The following KIF5C variants were observed in gnomAD, a reference collection of about 807,000 sequenced individuals.
KIF5C encodes kinesin heavy chain isoform 5C.
Under a neutral mutation model 125.2 loss-of-function variants are expected in KIF5C, and 18 were observed. The observed-to-expected ratio is 0.14, with a 90% CI of 0.10 to 0.21. The LOEUF (loss-of-function observed/expected upper bound fraction) is 0.21, where lower values mean the gene tolerates loss of function less well. Among genes scored for constraint, KIF5C ranks in the 10% least tolerant of loss-of-function variants. The pLI, the probability that KIF5C is intolerant of heterozygous loss-of-function variation, is 1.00. For missense variants in KIF5C, 780 were observed against 1,183.8 expected (o/e 0.66, Z 5.01); for synonymous variants, 405 against 434.0 (o/e 0.93, Z 0.83).
In KIF5C at chr2:148,914,891, T is replaced by G. The variant is rs73007595; in HGVS notation, c.127-7246T>G. Among the ~76,000 whole-genome samples, 733 of 152,314 alleles carry G rather than the reference T, an allele frequency of 4.8e-3. 9 individuals carry two copies. Among genetic ancestry groups the G allele is most frequent in the African/African-American group, 0.017 (708 of 41,582 alleles). On this transcript the variant is annotated intron_variant, in intron 1 of 25. Coordinates refer to ENST00000435030, the MANE Select transcript of KIF5C (RefSeq NM_004522.3). ...AGCTGGAGTAGAGGCTTCTGCTGACTGGAGATATCAGCATGGCCTTAGGGT... is the reference window on the plus strand; with the variant it reads ...AGCTGGAGTAGAGGCTTCTGCTGACGGGAGATATCAGCATGGCCTTAGGGT...
At chr2:148,972,297 T>C (rs183696733) in intron 11 of KIF5C, among the ~76,000 whole-genome samples, 20 of 152,228 alleles carry the variant, frequency 1.3e-4, no homozygotes, top group African/African-American at 4.6e-4. Flanking sequence ...ACAAAATGGA[T>C]TTTGTGGGCT....
intron 21 of KIF5C, among the ~76,000 whole-genome samples, chr2:149,003,671 G>A (rs769309847): frequency 1.3e-5 from 2 of 152,218 alleles, no homozygotes; most frequent in Non-Finnish European, 2.9e-5. Flanking sequence ...TAAGCACAGT[G>A]TGCATAAATA....
At chr2:148,960,259 G>T (rs1285950338) in intron 10 of KIF5C, among the ~76,000 whole-genome samples, 2 of 152,164 alleles carry the variant, frequency 1.3e-5, no homozygotes, top group African/African-American at 4.8e-5. Flanking sequence ...TCTCTTTCTG[G>T]TATCATGTGA....
intron 22 of KIF5C, among the ~76,000 whole-genome samples, chr2:149,007,398 TA>T (rs1682040989): frequency 6.6e-6 from 1 of 152,214 alleles, no homozygotes; most frequent in Non-Finnish European, 1.5e-5. Flanking sequence ...CAAGATCTGA[TA>T]AATTTCAAGA....
At chr2:148,937,478 A>T in intron 4 of KIF5C, 90 bp downstream of exon 4, 1 of 1,456,108 alleles carries the variant, frequency 6.9e-7, no homozygotes, top group Non-Finnish European at 9.1e-7. Flanking sequence ...ATAAAAGATG[A>T]TCCTACTAAT....
intron 11 of KIF5C, among the ~76,000 whole-genome samples, chr2:148,972,118 A>G (rs1680932541): frequency 6.6e-6 from 1 of 152,010 alleles, no homozygotes; most frequent in Non-Finnish European, 1.5e-5. Flanking sequence ...TACAAATACT[A>G]AGTTTTGTAT....
At position 148,889,406 on chromosome 2, in the gene KIF5C, G is replaced by C. The variant is rs561101229; in HGVS notation, c.126+13663G>C. On this transcript the variant is annotated intron_variant, in intron 1 of 25. Transcript: ENST00000435030. ...AGTCAGCACTCTGGGGGCCAGGCTG[G>C]TGGGAGGGGAGTCTCCTGGGCTATA... Among the ~76,000 whole-genome samples, 9 of 152,314 alleles carry C rather than the reference G, an allele frequency of 5.9e-5. No individual in the cohort carries two copies. The East Asian group carries it at 1.7e-3, about 29-fold the overall frequency.
intron 1 of KIF5C, among the ~76,000 whole-genome samples, chr2:148,887,490 T>C (rs1400345009): frequency 6.6e-6 from 1 of 151,946 alleles, no homozygotes; most frequent in Non-Finnish European, 1.5e-5. Context: ...ATAACCTAAG[T>C]CCAATTGGGG....
chr2:148,933,032 C>A (rs1282836557), intron 3 of KIF5C, among the ~76,000 whole-genome samples: 2 of 152,222 alleles, frequency 1.3e-5, no homozygotes, highest in African/African-American at 4.8e-5. Context: ...ATTTGCTTTC[C>A]GGGAGAAACA....
chr2:148,971,434 T>C (rs758785114), intron 11 of KIF5C, among the ~76,000 whole-genome samples: 8 of 152,286 alleles, frequency 5.3e-5, no homozygotes, highest in Non-Finnish European at 1.2e-4. Flanking sequence ...GATCCTTTAA[T>C]TGGATGAAAT....
At chr2:148,947,182 T>C (rs1415862492) in intron 8 of KIF5C, 159 bp downstream of exon 8, 1 of 1,196,796 alleles carries the variant, frequency 8.4e-7, no homozygotes, top group Non-Finnish European at 1.1e-6. Context: ...CCTTTGTCCC[T>C]GCTTTCTTTT....
At chr2:148,899,945 C>G (rs1680830824) in intron 1 of KIF5C, among the ~76,000 whole-genome samples, 1 of 152,134 alleles carries the variant, frequency 6.6e-6, no homozygotes, top group Non-Finnish European at 1.5e-5. Flanking sequence ...TCATGGAAAA[C>G]AAGTGCTTGG....
At chr2:149,011,492 G>A (rs144811213) in intron 24 of KIF5C, 78 bp from the exon 25 acceptor site, 384 of 1,559,802 alleles carry the variant, frequency 2.5e-4, no homozygotes, top group Middle Eastern at 6.8e-4. Flanking sequence ...GTTGTCACAG[G>A]TGACCTGTAG....
At chr2:148,968,575 G>A (rs1032368512) in intron 11 of KIF5C, among the ~76,000 whole-genome samples, 8 of 152,032 alleles carry the variant, frequency 5.3e-5, no homozygotes, top group Non-Finnish European at 8.8e-5. Context: ...TAGAAATACC[G>A]TCTGTCTACT....
At chr2:148,934,453 T>TAC (rs1341542056) in intron 3 of KIF5C, among the ~76,000 whole-genome samples, 2 of 145,572 alleles carry the variant, frequency 1.4e-5, no homozygotes, top group Middle Eastern at 7.6e-3. Flanking sequence ...ACCCCCTACA[T>TAC]ACACACACAC....
At chr2:148,898,449 G>A (rs1043238470) in intron 1 of KIF5C, among the ~76,000 whole-genome samples, 1 of 152,174 alleles carries the variant, frequency 6.6e-6, no homozygotes, top group African/African-American at 2.4e-5. Flanking sequence ...CATGACCAGT[G>A]GGAATTAAGG....
chr2:148,896,864 T>C (rs1246277510), intron 1 of KIF5C, among the ~76,000 whole-genome samples: 1 of 152,084 alleles, frequency 6.6e-6, no homozygotes, highest in African/African-American at 2.4e-5. Flanking sequence ...GGAGTCTCAC[T>C]CTGTCACCCA....
chr2:148,986,117 G>A lies in KIF5C; in HGVS notation c.1716+2351G>A, dbSNP rs369394165. Among the ~76,000 whole-genome samples the A allele has an allele frequency of 2.6e-5, 4 of 152,304 alleles. No individual in the cohort carries two copies. In the East Asian group the frequency reaches 7.7e-4, roughly 29 times the overall value. On this transcript the variant is annotated intron_variant, in intron 15 of 25. Coordinates refer to ENST00000435030, the MANE Select transcript of KIF5C (RefSeq NM_004522.3). ...GAAGTTGATGCTTGCTGCTGATAAC[G>A]ATAAAGGAAGAAGGTATTTTTATGC...
intron 17 of KIF5C, 147 bp downstream of exon 17, chr2:148,994,685 G>C: frequency 9.7e-6 from 10 of 1,027,106 alleles, no homozygotes; most frequent in Non-Finnish European, 1.3e-5. Flanking sequence ...AAAAAGGAGC[G>C]ATTTCTTTTC....
Sources: allele counts gnomAD v4.1 joint callset (sites outside exome capture counted in the v4.1 genomes callset), GRCh38; gene constraint gnomAD v4.1.1; transcripts MANE v1.5; gene names NCBI Gene and HGNC (gene_info 2026-07-23, HGNC 2026-07-21).